RIMBP2: variants seen among roughly 807,000 people sequenced by gnomAD.
RIMBP2 encodes the protein RIMS-binding protein 2.
In RIMBP2, 48 loss-of-function variants were observed where a neutral mutation model predicts 118.6. That is an observed-to-expected ratio of 0.40 (90% CI 0.32 to 0.51). The LOEUF (loss-of-function observed/expected upper bound fraction) is 0.51, where lower values mean the gene tolerates loss of function less well. Among genes scored for constraint, RIMBP2 ranks in the 20% least tolerant of loss-of-function variants. The pLI, the probability that RIMBP2 is intolerant of heterozygous loss-of-function variation, is 0.41. For synonymous variants in RIMBP2, 762 were observed against 742.9 expected, an observed-to-expected ratio of 1.03 and a Z score of -0.42; for missense variants, 1,551 against 1,768.3, an observed-to-expected ratio of 0.88 and a Z score of 2.20.
intron 19 of RIMBP2, among the ~76,000 whole-genome samples, 154 bp from the exon 20 acceptor site, chr12:130,407,983 C>T (rs916859661): frequency 6.6e-6 from 1 of 152,178 alleles, no homozygotes; most frequent in Non-Finnish European, 1.5e-5. Flanking sequence ...CAGCAAACGT[C>T]TCTACTTTGG....
chr12:130,458,815 T>C (rs530258268), intron 6 of RIMBP2, among the ~76,000 whole-genome samples: 1 of 151,856 alleles, frequency 6.6e-6, no homozygotes, highest in East Asian at 1.9e-4. Flanking sequence ...GAGGCCGAGG[T>C]GGGCGGATCA....
At chr12:130,524,346 G>C (rs2139195574) in intron 2 of RIMBP2, among the ~76,000 whole-genome samples, 1 of 149,662 alleles carries the variant, frequency 6.7e-6, no homozygotes, top group Admixed American at 6.7e-5. Context: ...GCCTCAAGCA[G>C]AGCCGAGCCA....
At chr12:130,672,703 C>A (rs2064256727) in intron 1 of RIMBP2, among the ~76,000 whole-genome samples, 2 of 152,276 alleles carry the variant, frequency 1.3e-5, no homozygotes, top group African/African-American at 4.8e-5. Flanking sequence ...ACTGAAGAAC[C>A]ACTGCTCCCC....
intron 5 of RIMBP2, among the ~76,000 whole-genome samples, chr12:130,474,788 G>A (rs11060927): frequency 0.026 from 3,959 of 152,270 alleles, 223 homozygotes; most frequent in East Asian, 0.22. Context: ...GGCCACGACT[G>A]CACTCCGGGT....
chr12:130,593,745 G>T (rs1351928866), intron 2 of RIMBP2, among the ~76,000 whole-genome samples: 1 of 152,208 alleles, frequency 6.6e-6, no homozygotes, highest in Non-Finnish European at 1.5e-5. Context: ...CAGTGTGTCT[G>T]TCTGAAGGCA....
intron 4 of RIMBP2, among the ~76,000 whole-genome samples, chr12:130,490,368 A>G (rs2048526334): frequency 6.6e-6 from 1 of 152,112 alleles, no homozygotes; most frequent in Non-Finnish European, 1.5e-5. Flanking sequence ...CTTATCTACA[A>G]TTTAGCTTGG....
intron 1 of RIMBP2, among the ~76,000 whole-genome samples, chr12:130,643,515 C>G (rs1423672248): frequency 6.6e-6 from 1 of 151,546 alleles, no homozygotes; most frequent in African/African-American, 2.4e-5. Context: ...CTACAGAAAT[C>G]ACTAGGTCAG....
chr12:130,498,755 G>A (rs577248075), intron 4 of RIMBP2, among the ~76,000 whole-genome samples: 10 of 152,142 alleles, frequency 6.6e-5, no homozygotes, highest in African/African-American at 2.4e-4. Context: ...AGGACAACAT[G>A]CAGGCAAAGA....
chr12:130,571,512 C>T (rs1476215032), intron 2 of RIMBP2, among the ~76,000 whole-genome samples: 4 of 151,672 alleles, frequency 2.6e-5, no homozygotes, highest in Non-Finnish European at 4.4e-5. Flanking sequence ...CTCCGCCTCC[C>T]AGGTTCAAGC....
rs181813031 is a variant in RIMBP2, at chr12:130,573,050, G to T, written c.-216-55133C>A. ...GCAGCCAAGCAGATCCAGTTCAAGT[G>T]CCCAGCGCCTGCCCCAAAACGTGGT... is the stretch of plus-strand genomic sequence containing the variant. On this transcript the variant is annotated intron_variant, in intron 2 of 22. Coordinates refer to ENST00000690449, the MANE Select transcript of RIMBP2 (RefSeq NM_001393629.1). 5.7e-4 allele frequency among the ~76,000 whole-genome samples: 87 copies of T among 152,218 alleles called. 1 individual carries two copies. Among genetic ancestry groups the T allele is most frequent in the African/African-American group, 1.9e-3 (80 of 41,538 alleles).
At chr12:130,555,316 C>A (rs73454895) in intron 2 of RIMBP2, among the ~76,000 whole-genome samples, 1 of 152,198 alleles carries the variant, frequency 6.6e-6, no homozygotes, top group Non-Finnish European at 1.5e-5. Flanking sequence ...TAATAAAAAG[C>A]CTTTTCCAAA....
At chr12:130,626,940 TACC>T (rs1195457034) in intron 2 of RIMBP2, among the ~76,000 whole-genome samples, 4 of 138,674 alleles carry the variant, frequency 2.9e-5, no homozygotes, top group Non-Finnish European at 1.6e-5. Flanking sequence ...GCATCACCAT[TACC>T]ACCATTATCA....
At chr12:130,418,965 G>A (rs1413231243) in intron 17 of RIMBP2, among the ~76,000 whole-genome samples, 1 of 152,162 alleles carries the variant, frequency 6.6e-6, no homozygotes, top group African/African-American at 2.4e-5. Context: ...ACGTTGTTTT[G>A]GGGGGAAGAC....
intron 1 of RIMBP2, chr12:130,660,059 T>TAC (rs10637247): frequency 0.52 from 77,970 of 149,418 alleles, 21,365 homozygotes; most frequent in Non-Finnish European, 0.62. Context: ...ATGGCTGGAG[T>TAC]AGTGGCACAA....
chr12:130,403,190 C>G (rs551111880), intron 21 of RIMBP2, among the ~76,000 whole-genome samples: 1 of 152,278 alleles, frequency 6.6e-6, no homozygotes, highest in East Asian at 1.9e-4. Flanking sequence ...TTTTTGGTAT[C>G]AAATTAGGTG....
At chr12:130,653,470 C>T (rs2063308240) in intron 1 of RIMBP2, among the ~76,000 whole-genome samples, 1 of 152,232 alleles carries the variant, frequency 6.6e-6, no homozygotes, top group African/African-American at 2.4e-5. Context: ...GCTGCTCTCA[C>T]AGGTTAGAGT....
chr12:130,625,260 T>C (rs2061553487), intron 2 of RIMBP2, among the ~76,000 whole-genome samples: 1 of 152,240 alleles, frequency 6.6e-6, no homozygotes, highest in South Asian at 2.1e-4. Context: ...TGTTGATAAC[T>C]TTTCCAACTC....
At chr12:130,550,195 G>C (rs1408524095) in intron 2 of RIMBP2, among the ~76,000 whole-genome samples, 1 of 152,220 alleles carries the variant, frequency 6.6e-6, no homozygotes, top group Non-Finnish European at 1.5e-5. Flanking sequence ...GAGAAGGGAT[G>C]TCTACTGCAT....
intron 2 of RIMBP2, among the ~76,000 whole-genome samples, chr12:130,591,651 C>T (rs2059276872): frequency 6.6e-6 from 1 of 152,212 alleles, no homozygotes; most frequent in African/African-American, 2.4e-5. Context: ...CGCCCTGACC[C>T]TCATGTGGCC....
Sources: gnomAD v4.1 joint callset for allele counts (sites outside exome capture counted in the v4.1 genomes callset) on GRCh38, gnomAD v4.1.1 for gene constraint, MANE v1.5 for transcripts, NCBI Gene and HGNC (gene_info 2026-07-23, HGNC 2026-07-21) for gene names.